The following CD163L1 variants were observed in gnomAD, a reference collection of about 807,000 sequenced individuals.
The protein encoded by CD163L1 is CD163 molecule like 1, also known as scavenger receptor cysteine-rich type 1 protein M160.
Under a neutral mutation model 165.4 loss-of-function variants are expected in CD163L1, and 124 were observed. That is an observed-to-expected ratio of 0.75 (90% CI 0.65 to 0.87). The LOEUF (loss-of-function observed/expected upper bound fraction) is 0.87, where lower values mean the gene tolerates loss of function less well. CD163L1 is among the 40% of genes least tolerant of loss of function. The probability of loss-of-function intolerance (pLI) is 0.00; values close to 1 mark genes in which losing one functional copy is unlikely to be tolerated. For synonymous variants in CD163L1, 585 were observed against 662.2 expected (o/e 0.88, Z 1.79); for missense variants, 1,525 against 1,799.9 (o/e 0.85, Z 2.76).
At chr12:7,387,835 GA>G (rs1484960450) in intron 8 of CD163L1, among the ~76,000 whole-genome samples, 1 of 152,118 alleles carries the variant, frequency 6.6e-6, no homozygotes, top group Non-Finnish European at 1.5e-5. Flanking sequence ...CCCCAAGCAA[GA>G]AGAATAAATC....
chr12:7,370,446 A>G (rs938080742), intron 14 of CD163L1, among the ~76,000 whole-genome samples: 5 of 152,172 alleles, frequency 3.3e-5, no homozygotes, highest in African/African-American at 9.7e-5. Flanking sequence ...CTGCCCACCA[A>G]CCACATGAAG....
chr12:7,379,325 A>G (rs1947339100), intron 8 of CD163L1, 27 bp from the exon 9 acceptor site: 9 of 1,607,794 alleles, frequency 5.6e-6, no homozygotes, highest in Non-Finnish European at 7.7e-6. Context: ...CAATGATTTT[A>G]GAGAAGCACT....
intron 4 of CD163L1, among the ~76,000 whole-genome samples, chr12:7,421,075 G>A (rs1365219098): frequency 5.6e-4 from 48 of 86,436 alleles, no homozygotes; most frequent in Admixed American, 1.0e-3. Flanking sequence ...GTATATATAC[G>A]TATATATATA....
intron 1 of CD163L1, among the ~76,000 whole-genome samples, chr12:7,441,700 T>G (rs1267631491): frequency 6.6e-6 from 1 of 152,186 alleles, no homozygotes; most frequent in Admixed American, 6.5e-5. Context: ...ATTATGGGAA[T>G]AGAGGAATGA....
chr12:7,411,247 T>C (rs1475412026), intron 4 of CD163L1, among the ~76,000 whole-genome samples: 1 of 152,092 alleles, frequency 6.6e-6, no homozygotes, highest in Non-Finnish European at 1.5e-5. Context: ...TTATGAAAAA[T>C]TTGAACATAG....
intron 18 of CD163L1, 53 bp from the exon 19 acceptor site, chr12:7,357,539 A>G: frequency 6.7e-7 from 1 of 1,486,692 alleles, no homozygotes; most frequent in Non-Finnish European, 9.4e-7. Context: ...CTCTCTGCAG[A>G]GGGAAGAGCT....
intron 4 of CD163L1, among the ~76,000 whole-genome samples, chr12:7,416,211 C>A (rs1948236508): frequency 6.6e-6 from 1 of 152,204 alleles, no homozygotes; most frequent in African/African-American, 2.4e-5. Flanking sequence ...TTGTTGGCCA[C>A]ATAAATGTCT....
intron 2 of CD163L1, among the ~76,000 whole-genome samples, chr12:7,438,128 A>T (rs1948764271): frequency 6.6e-6 from 1 of 152,134 alleles, no homozygotes; most frequent in Non-Finnish European, 1.5e-5. Context: ...ATTTTGCTGT[A>T]GCACTAATGA....
chr12:7,375,189 C>T, intron 11 of CD163L1, 92 bp downstream of exon 11: 1 of 1,316,788 alleles, frequency 7.6e-7, no homozygotes, highest in Non-Finnish European at 1.1e-6. Flanking sequence ...CCTGCACCCC[C>T]ATTTTCTTAC....
chr12:7,392,798 C>A (rs781025093), intron 8 of CD163L1, among the ~76,000 whole-genome samples: 12 of 152,074 alleles, frequency 7.9e-5, no homozygotes, highest in Non-Finnish European at 1.6e-4. Context: ...AACACCTCTA[C>A]GCAAATAAAC....
At chr12:7,386,621 A>C (rs1947524612) in intron 8 of CD163L1, among the ~76,000 whole-genome samples, 3 of 140,876 alleles carry the variant, frequency 2.1e-5, no homozygotes, top group South Asian at 2.3e-4. Context: ...AAAAAAAAAA[A>C]CAGTATAGTC....
At chr12:7,407,668 T>A (rs1948054012) in intron 4 of CD163L1, among the ~76,000 whole-genome samples, 1 of 151,466 alleles carries the variant, frequency 6.6e-6, no homozygotes, top group Non-Finnish European at 1.5e-5. Flanking sequence ...CACACATATA[T>A]ATATACACAC....
the CD163L1 span, chr12:7,320,841 A>G: frequency 6.6e-7 from 1 of 1,506,732 alleles, no homozygotes; most frequent in African/African-American, 1.4e-5. Flanking sequence ...ACCACAAACA[A>G]TAGCTACCAT....
In CD163L1 at chr12:7,369,707, G is replaced by A. The variant is rs975747790; in HGVS notation, c.3731-42C>T. The A allele has an allele frequency of 6.4e-7, 1 of 1,562,594 alleles. No homozygotes were observed. Among genetic ancestry groups the A allele is most frequent in the African/African-American group, 1.4e-5 (1 of 73,718 alleles). ...CATGGCTGTCTTTACTCCTGAAGGA[G>A]GTTGTGGGAGAATGCTGAGGTAGAA... On this transcript the variant is annotated intron_variant, in intron 14 of 19. Coordinates refer to ENST00000313599, the MANE Select transcript of CD163L1 (RefSeq NM_174941.6). This position sits in a 1 kb window ranked among gnomAD's most constrained non-coding sequence, Gnocchi z 4.9.
chr12:7,421,139 G>GTGTATATATACGTATATATGTA (rs1948366764), intron 4 of CD163L1, among the ~76,000 whole-genome samples: 1 of 122,958 alleles, frequency 8.1e-6, no homozygotes, highest in Non-Finnish European at 1.6e-5. Context: ...ACGTATATAT[G>GTGTATATATACGTATATATGTA]TATATATGTG....
In CD163L1 at chr12:7,369,547, C is replaced by A; in HGVS notation, c.3849G>T (p.Val1283=). 1 of 1,614,208 alleles carries A rather than the reference C, an allele frequency of 6.2e-7. No individual in the cohort carries two copies. The highest frequency in any genetic ancestry group is 2.2e-5 in the East Asian group (1 of 44,888). ...CAGAGCCACAGCCCAGCTGCTGACA[C>A]ACCACTTCCGCCTCGGCCAGGTCCC... The part of the protein sequence containing the change: ...DSWDLAEAEV[V]CQQLGCGSAL... The change falls in exon 15 of 20, where the codon GTG becomes GTT. Residue 1283 remains valine (V), a synonymous_variant. Coordinates refer to ENST00000313599, the MANE Select transcript of CD163L1 (RefSeq NM_174941.6). The surrounding 1 kb of genome is among the most constrained non-coding windows in gnomAD (Gnocchi z 4.9).
intron 4 of CD163L1, among the ~76,000 whole-genome samples, chr12:7,428,118 A>C (rs1406044115): frequency 6.6e-6 from 1 of 152,036 alleles, no homozygotes; most frequent in Non-Finnish European, 1.5e-5. Context: ...AAAATCTGTA[A>C]CTGAAGCCAA....
chr12:7,366,251 G>C (rs774216580), intron 18 of CD163L1, among the ~76,000 whole-genome samples: 4 of 151,888 alleles, frequency 2.6e-5, no homozygotes, highest in African/African-American at 9.7e-5. Flanking sequence ...GGAAAGGGTA[G>C]GGGAAAGGGA....
At chr12:7,355,724 C>A (rs1451545221) in intron 19 of CD163L1, among the ~76,000 whole-genome samples, 1 of 152,064 alleles carries the variant, frequency 6.6e-6, no homozygotes, top group Non-Finnish European at 1.5e-5. Context: ...CATGGGTGAG[C>A]CCTAATCCAG....
Sources: allele counts gnomAD v4.1 joint callset (sites outside exome capture counted in the v4.1 genomes callset), GRCh38; gene constraint gnomAD v4.1.1; non-coding constraint Gnocchi (gnomAD v3.1); transcripts MANE v1.5; gene names NCBI Gene and HGNC (gene_info 2026-07-23, HGNC 2026-07-21).